LIN9: variants seen among roughly 807,000 people sequenced by gnomAD.
The protein encoded by LIN9 is protein lin-9 homolog.
Under a neutral mutation model 78.0 loss-of-function variants are expected in LIN9, and 18 were observed. The observed-to-expected ratio is 0.23, with a 90% CI of 0.16 to 0.34. The LOEUF is 0.34. Among genes scored for constraint, LIN9 ranks in the 10% least tolerant of loss-of-function variants. The pLI is 1.00. For synonymous variants in LIN9, 192 were observed against 215.2 expected (o/e 0.89, Z 0.94); for missense variants, 451 against 644.1 (o/e 0.70, Z 3.25).
At chr1:226,289,253 G>A (rs1000953639) in intron 4 of LIN9, among the ~76,000 whole-genome samples, 1 of 151,214 alleles carries the variant, frequency 6.6e-6, no homozygotes, top group Admixed American at 6.6e-5. Flanking sequence ...AGAAAGAAAA[G>A]GAAAAAAATC....
At chr1:226,285,011 A>G (rs1284179487) in intron 6 of LIN9, among the ~76,000 whole-genome samples, 1 of 152,222 alleles carries the variant, frequency 6.6e-6, no homozygotes, top group Non-Finnish European at 1.5e-5. Context: ...TCCTCAAAGA[A>G]AGAAAAACTA....
Position 226,233,493 on chromosome 1 carries a change from C to T in LIN9, c.1276G>A (p.Asp426Asn). ...CTGCGTCTCATATCTGTTGGCTGAT[C>T]TGCAGGCTGGAGCCCCTGGTCTGGA... Reference protein sequence around the residue: ...LAPDQGLQPADQPTDMRRRCE... With the variant: ...LAPDQGLQPANQPTDMRRRCE... The change falls in exon 13 of 15, where the codon GAT becomes AAT. Residue 426 changes from aspartate to asparagine, a missense_variant. Coordinates refer to ENST00000681046, the MANE Select transcript of LIN9 (RefSeq NM_001366245.2). The T allele has an allele frequency of 6.2e-7, 1 of 1,613,914 alleles. No homozygotes were observed. The highest frequency in any genetic ancestry group is 8.5e-7 in the Non-Finnish European group (1 of 1,179,946).
intron 10 of LIN9, among the ~76,000 whole-genome samples, chr1:226,257,896 GA>G (rs1659301974): frequency 6.6e-6 from 1 of 152,076 alleles, no homozygotes; most frequent in African/African-American, 2.4e-5. Flanking sequence ...AAAGTAAATG[GA>G]TGAAGGCCAG....
chr1:226,239,981 G>C (rs1558154478), intron 11 of LIN9, among the ~76,000 whole-genome samples: 1 of 152,160 alleles, frequency 6.6e-6, no homozygotes, highest in Non-Finnish European at 1.5e-5. Context: ...GCTCCTTCTA[G>C]TAAGTATAGG....
intron 5 of LIN9, 75 bp downstream of exon 5, chr1:226,287,589 G>T: frequency 1.0e-6 from 1 of 995,704 alleles, no homozygotes; most frequent in Non-Finnish European, 1.5e-6. Flanking sequence ...TATAGAAAAT[G>T]TTGTAGCTTA....
intron 11 of LIN9, among the ~76,000 whole-genome samples, chr1:226,245,675 CCTCT>C (rs3038901): frequency 0.7 from 105,730 of 151,324 alleles, 37,048 homozygotes; most frequent in East Asian, 0.73. Context: ...CTCACTGCAA[CCTCT>C]CTCTGCTTCC....
rs560764860 is a variant in LIN9 at position 226,307,612 on chromosome 1, G to A, written c.31+1497C>T. 4.6e-5 allele frequency among the ~76,000 whole-genome samples: 7 copies of A among 152,220 alleles called. No individual in the cohort carries two copies. In the South Asian group the frequency reaches 1.5e-3, roughly 32 times the overall value. On this transcript the variant is annotated intron_variant, in intron 1 of 14. Coordinates refer to ENST00000681046, the MANE Select transcript of LIN9 (RefSeq NM_001366245.2). Reference sequence around the variant, plus strand: ...GATAGTACCATTGCACCCCAGCCTGGGCAATGAGTGAAACTCCATCTCAAA... The same window carrying A: ...GATAGTACCATTGCACCCCAGCCTGAGCAATGAGTGAAACTCCATCTCAAA...
Position 226,295,959 on chromosome 1 carries a change from T to A in LIN9, c.160-13A>T, listed in dbSNP as rs933043762. ...AATTTCTGAAAGGCTATGATAGAAA[T>A]GTTTTCATTTAATGAAAAAGCCGAA... On this transcript the variant is annotated splice_polypyrimidine_tract_variant and intron_variant, in intron 3 of 14. Coordinates refer to ENST00000681046, the MANE Select transcript of LIN9 (RefSeq NM_001366245.2). 1 of 1,575,060 alleles carries A rather than the reference T, an allele frequency of 6.3e-7. No individual in the cohort carries two copies. Among genetic ancestry groups the A allele is most frequent in the Non-Finnish European group, 8.7e-7 (1 of 1,151,936 alleles).
chr1:226,283,101 A>G (rs1661168228), intron 6 of LIN9, among the ~76,000 whole-genome samples: 1 of 151,768 alleles, frequency 6.6e-6, no homozygotes, highest in Admixed American at 6.6e-5. Context: ...GATCACAGTC[A>G]TGTGTCACCC....
At chr1:226,276,117 C>T (rs1321827848) in intron 7 of LIN9, among the ~76,000 whole-genome samples, 3 of 152,230 alleles carry the variant, frequency 2.0e-5, no homozygotes, top group Non-Finnish European at 4.4e-5. Context: ...AACCTATTCT[C>T]CACTGTAACA....
At chr1:226,263,589 C>T (rs1318965647) in intron 10 of LIN9, among the ~76,000 whole-genome samples, 1 of 152,110 alleles carries the variant, frequency 6.6e-6, no homozygotes, top group Non-Finnish European at 1.5e-5. Context: ...ACACACAACA[C>T]CTGTTCAAAT....
At chr1:226,261,306 G>T (rs12079497) in intron 10 of LIN9, among the ~76,000 whole-genome samples, 1 of 151,146 alleles carries the variant, frequency 6.6e-6, no homozygotes, top group South Asian at 2.1e-4. Flanking sequence ...ATAAGAAAGA[G>T]AAATTAAAGG....
intron 1 of LIN9, among the ~76,000 whole-genome samples, chr1:226,307,357 C>T (rs1390542475): frequency 6.6e-6 from 1 of 152,178 alleles, no homozygotes; most frequent in Non-Finnish European, 1.5e-5. Flanking sequence ...TCAAGACCAG[C>T]TGCGGTGGCT....
At chr1:226,256,163 G>A (rs1659177444) in intron 10 of LIN9, among the ~76,000 whole-genome samples, 1 of 151,858 alleles carries the variant, frequency 6.6e-6, no homozygotes, top group Non-Finnish European at 1.5e-5. Flanking sequence ...CGGGCAGACT[G>A]CTTGAGCCTA....
chr1:226,269,157 C>T (rs1266625238), intron 7 of LIN9, among the ~76,000 whole-genome samples: 2 of 152,054 alleles, frequency 1.3e-5, no homozygotes, highest in African/African-American at 2.4e-5. Flanking sequence ...AAGTATAATA[C>T]ACAACATTTT....
In LIN9 at chr1:226,286,419, T is replaced by A; in HGVS notation, c.438A>T (p.Leu146=). 6.2e-7 allele frequency: 1 copy of A among 1,608,594 alleles called. No homozygotes were observed. The highest frequency in any genetic ancestry group is 8.5e-7 in the Non-Finnish European group (1 of 1,175,870). Residue 146 remains leucine (L), a synonymous_variant, in exon 6 of 15, where the codon CTA becomes CTT. Coordinates refer to ENST00000681046, the MANE Select transcript of LIN9 (RefSeq NM_001366245.2). ...TTTTCAAATTAGGAAAAGATTCCTTTAGACATACACAGAAGTCATTATCAC... is the reference window on the plus strand; with the variant it reads ...TTTTCAAATTAGGAAAAGATTCCTTAAGACATACACAGAAGTCATTATCAC... ...FEGDNDFCVC[L]KESFPNLKTR... is the part of the protein sequence containing the mutation.
intron 10 of LIN9, among the ~76,000 whole-genome samples, chr1:226,260,648 T>G (rs1333075417): frequency 5.5e-5 from 7 of 128,184 alleles, no homozygotes; most frequent in African/African-American, 1.8e-4. Flanking sequence ...TTTTTTTTTT[T>G]TTTTTTTTTT....
intron 4 of LIN9, among the ~76,000 whole-genome samples, chr1:226,289,834 C>T (rs1041146878): frequency 3.3e-4 from 4 of 12,080 alleles, no homozygotes; most frequent in East Asian, 4.3e-3. Flanking sequence ...AGTAGTCCTC[C>T]GGGGGGGGGG....
intron 6 of LIN9, among the ~76,000 whole-genome samples, chr1:226,278,477 C>T (rs1378631812): frequency 6.6e-6 from 1 of 151,744 alleles, no homozygotes; most frequent in African/African-American, 2.4e-5. Flanking sequence ...CTATTCATCT[C>T]ACCACTCCTT....
Sources: gnomAD v4.1 joint callset for allele counts (sites outside exome capture counted in the v4.1 genomes callset) on GRCh38, gnomAD v4.1.1 for gene constraint, MANE v1.5 for transcripts, NCBI Gene and HGNC (gene_info 2026-07-23, HGNC 2026-07-21) for gene names.